Variants in THSD7A observed in about 807,000 individuals in gnomAD.
The protein encoded by THSD7A is thrombospondin type-1 domain-containing protein 7A.
THSD7A carries 96 observed loss-of-function variants against 231.3 expected under a neutral mutation model. The ratio of observed to expected loss-of-function variants is 0.41; its 90% CI spans 0.35 to 0.49. The LOEUF (loss-of-function observed/expected upper bound fraction) is 0.49, where lower values mean the gene tolerates loss of function less well. THSD7A is among the 20% of genes least tolerant of loss of function. The pLI is 0.05. For synonymous variants in THSD7A, 940 were observed against 743.3 expected, an observed-to-expected ratio of 1.26 and a Z score of -4.30; for missense variants, 2,290 against 2,070.2, an observed-to-expected ratio of 1.11 and a Z score of -2.06.
At chr7:11,544,396 G>C (rs1055248428) in intron 4 of THSD7A, among the ~76,000 whole-genome samples, 2 of 152,006 alleles carry the variant, frequency 1.3e-5, no homozygotes, top group Admixed American at 1.3e-4. Flanking sequence ...GCTAGTTCCA[G>C]TTCCTTTATC....
At chr7:11,706,529 C>A (rs1344743468) in intron 1 of THSD7A, among the ~76,000 whole-genome samples, 1 of 147,766 alleles carries the variant, frequency 6.8e-6, no homozygotes, top group Non-Finnish European at 1.5e-5. Flanking sequence ...TGTTTGTGGT[C>A]TTTAGTAACA....
intron 11 of THSD7A, among the ~76,000 whole-genome samples, chr7:11,448,408 C>T (rs1785043670): frequency 6.6e-6 from 1 of 152,038 alleles, no homozygotes; most frequent in Non-Finnish European, 1.5e-5. Context: ...AACATTAAAC[C>T]TTGGTCCTAA....
chr7:11,769,153 A>ATTTTTTTTTTTTTTTTTTTTTTTTTTTTT (rs1227041855), intron 1 of THSD7A, among the ~76,000 whole-genome samples: 1 of 27,662 alleles, frequency 3.6e-5, no homozygotes. Flanking sequence ...ATATATATAT[A>ATTTTTTTTTTTTTTTTTTTTTTTTTTTTT]TTTTTTTTTT....
intron 6 of THSD7A, among the ~76,000 whole-genome samples, chr7:11,494,193 T>C (rs1457145517): frequency 1.3e-5 from 2 of 152,044 alleles, no homozygotes; most frequent in Non-Finnish European, 1.5e-5. Context: ...GATAAAGACA[T>C]ATTGAGTTTT....
chr7:11,578,678 T>C (rs548377482), intron 4 of THSD7A, among the ~76,000 whole-genome samples: 12 of 152,320 alleles, frequency 7.9e-5, no homozygotes, highest in African/African-American at 2.9e-4. Context: ...GGAAGATGAT[T>C]AAGGTCTTGT....
intron 23 of THSD7A, among the ~76,000 whole-genome samples, chr7:11,395,164 G>A (rs1342338329): frequency 1.3e-5 from 2 of 151,190 alleles, no homozygotes; most frequent in Non-Finnish European, 2.9e-5. Flanking sequence ...AAAAGCAGGG[G>A]TTACAATCCT....
At chr7:11,584,676 A>G (rs905675045) in intron 4 of THSD7A, among the ~76,000 whole-genome samples, 5 of 152,210 alleles carry the variant, frequency 3.3e-5, no homozygotes, top group African/African-American at 1.2e-4. Context: ...CCTTAAGATG[A>G]GAAGTTAAAA....
At position 11,769,122 on chromosome 7, in the gene THSD7A, A is replaced by AATATATAT. The variant is rs1219135740; in HGVS notation, c.190+62627_190+62634dup. ...ACAGGCACCTGCCATAATTCCTGGC[A>AATATATAT]ATATATATATATATATATATATATA... On this transcript the variant is annotated intron_variant, in intron 1 of 27. Transcript: ENST00000423059. 2.3e-3 allele frequency among the ~76,000 whole-genome samples: 84 copies of AATATATAT among 35,860 alleles called. 2 individuals are homozygous for AATATATAT. Among genetic ancestry groups the AATATATAT allele is most frequent in the African/African-American group, 2.6e-3 (25 of 9,780 alleles). The allele number at this position is 35,860 out of a possible 152,430, so 23.5% of individuals were successfully genotyped here. A position where few individuals can be genotyped will look rare whatever the true frequency, so the allele number is the denominator to read the frequency against.
chr7:11,483,462 T>C lies in THSD7A; in HGVS notation c.1823-1480A>G, dbSNP rs537674878. ...GTAAATATTTTATTATTCATTCTTA[T>C]TTAGCTACTCTAATCTGTGGGAGCT... On this transcript the variant is annotated intron_variant, in intron 6 of 27. Transcript: ENST00000423059. 3.7e-4 allele frequency among the ~76,000 whole-genome samples: 56 copies of C among 152,344 alleles called. 1 individual carries two copies. The highest frequency in any genetic ancestry group is 1.3e-3 in the African/African-American group (56 of 41,588).
chr7:11,591,401 C>T (rs1412152482), intron 3 of THSD7A, among the ~76,000 whole-genome samples: 1 of 151,974 alleles, frequency 6.6e-6, no homozygotes, highest in Non-Finnish European at 1.5e-5. Flanking sequence ...CATTTCTCCA[C>T]CTCAAGGAAA....
intron 9 of THSD7A, among the ~76,000 whole-genome samples, chr7:11,464,111 T>G (rs971126992): frequency 2.0e-5 from 3 of 152,180 alleles, no homozygotes; most frequent in African/African-American, 7.2e-5. Flanking sequence ...TGCCCTTCTT[T>G]TACAATTTCT....
At chr7:11,774,231 A>G (rs1783328241) in intron 1 of THSD7A, among the ~76,000 whole-genome samples, 1 of 152,214 alleles carries the variant, frequency 6.6e-6, no homozygotes, top group Non-Finnish European at 1.5e-5. Flanking sequence ...GAAACAGTCC[A>G]GTTTCCGAAA....
chr7:11,783,126 T>A (rs910102559), intron 1 of THSD7A, among the ~76,000 whole-genome samples: 1 of 152,092 alleles, frequency 6.6e-6, no homozygotes, highest in African/African-American at 2.4e-5. Context: ...ATAACCACTA[T>A]GGAATACAGA....
chr7:11,389,557 G>T (rs1782901321), intron 23 of THSD7A, among the ~76,000 whole-genome samples: 1 of 149,034 alleles, frequency 6.7e-6, no homozygotes, highest in Non-Finnish European at 1.5e-5. Flanking sequence ...ACACTGATAG[G>T]TCTTGACTCT....
chr7:11,813,807 G>T lies in THSD7A; in HGVS notation c.190+17950C>A, dbSNP rs1253315708. ...GCAATTAAAAATACAGTTACCATAA[G>T]ATCCAGCAATGTAACTCCTAAGTAT... On this transcript the variant is annotated intron_variant, in intron 1 of 27. Coordinates refer to ENST00000423059, the MANE Select transcript of THSD7A (RefSeq NM_015204.3). Among the ~76,000 whole-genome samples the T allele has an allele frequency of 1.3e-5, 2 of 151,760 alleles. 1 individual carries two copies. Among genetic ancestry groups the T allele is most frequent in the Admixed American group, 1.3e-4 (2 of 15,224 alleles).
intron 23 of THSD7A, among the ~76,000 whole-genome samples, chr7:11,394,037 G>A (rs1353362988): frequency 1.3e-5 from 2 of 152,132 alleles, no homozygotes. Context: ...TACTCCTTGA[G>A]AAGAGCAACC....
rs58228910 is a variant in THSD7A, at chr7:11,698,972, A to AT, written c.191-62012dup. Among the ~76,000 whole-genome samples, 640 of 142,732 alleles carry AT rather than the reference A, an allele frequency of 4.5e-3. 7 individuals are homozygous for AT. The East Asian group carries it at 0.05, about 11-fold the overall frequency. 93.6% of individuals were successfully genotyped at this position (142,732 alleles called of 152,430 possible). On this transcript the variant is annotated intron_variant, in intron 1 of 27. Transcript: ENST00000423059. ...ATGTAGGTGCCTTGAAATGTCACTGATTTTTTTTTTTTTTTTTGCATTCAC... is the reference window on the plus strand; with the variant it reads ...ATGTAGGTGCCTTGAAATGTCACTGATTTTTTTTTTTTTTTTTTGCATTCAC...
intron 4 of THSD7A, among the ~76,000 whole-genome samples, chr7:11,565,094 T>A (rs1430516322): frequency 1.3e-5 from 2 of 152,168 alleles, no homozygotes; most frequent in Non-Finnish European, 2.9e-5. Flanking sequence ...ATAGAACTCA[T>A]ACTGAACTCT....
At chr7:11,667,029 C>T (rs1783162603) in intron 1 of THSD7A, among the ~76,000 whole-genome samples, 1 of 152,042 alleles carries the variant, frequency 6.6e-6, no homozygotes, top group Non-Finnish European at 1.5e-5. Context: ...ATTCACTGAA[C>T]TTAAAACATC....
Sources: gnomAD v4.1 joint callset for allele counts (sites outside exome capture counted in the v4.1 genomes callset) on GRCh38, gnomAD v4.1.1 for gene constraint, MANE v1.5 for transcripts, NCBI Gene and HGNC (gene_info 2026-07-23, HGNC 2026-07-21) for gene names.